The following METTL15 variants were observed in gnomAD, a reference collection of about 807,000 sequenced individuals.
METTL15 encodes the protein 12S rRNA N(4)-cytidine methyltransferase METTL15.
In METTL15, 34 loss-of-function variants were observed where a neutral mutation model predicts 38.3. That is an observed-to-expected ratio of 0.89 (90% CI 0.68 to 1.18). The LOEUF (loss-of-function observed/expected upper bound fraction) is 1.18, where lower values mean the gene tolerates loss of function less well. Ranked by LOEUF, METTL15 falls within the 50% of genes most tolerant of loss-of-function variation. The pLI is 0.00. For synonymous variants in METTL15, 162 were observed against 170.9 expected, an observed-to-expected ratio of 0.95 and a Z score of 0.41; for missense variants, 438 against 498.4, an observed-to-expected ratio of 0.88 and a Z score of 1.15.
chr11:28,401,670 TG>T (rs1176803396), intron 5 of METTL15, among the ~76,000 whole-genome samples: 1 of 151,996 alleles, frequency 6.6e-6, no homozygotes, highest in Non-Finnish European at 1.5e-5. Context: ...TGGCTCTTGC[TG>T]AACTCCAGAG....
intron 4 of METTL15, among the ~76,000 whole-genome samples, chr11:28,235,521 C>T (rs906008117): frequency 2.4e-4 from 37 of 152,258 alleles, no homozygotes; most frequent in African/African-American, 8.7e-4. Flanking sequence ...AGGTCCTTCA[C>T]GTCCCTTGTA....
intron 6 of METTL15, among the ~76,000 whole-genome samples, chr11:28,521,328 C>G (rs552657232): frequency 6.6e-6 from 1 of 152,216 alleles, no homozygotes; most frequent in Admixed American, 6.5e-5. Flanking sequence ...GATGGGCCCT[C>G]TAGTGCACTA....
chr11:28,514,431 T>C (rs1271845777), intron 6 of METTL15, among the ~76,000 whole-genome samples: 1 of 152,232 alleles, frequency 6.6e-6, no homozygotes, highest in Admixed American at 6.5e-5. Context: ...GAAAAGAGAA[T>C]GCTAAGGAAA....
At chr11:28,134,910 A>G (rs1849465875) in intron 3 of METTL15, among the ~76,000 whole-genome samples, 1 of 152,142 alleles carries the variant, frequency 6.6e-6, no homozygotes, top group South Asian at 2.1e-4. Flanking sequence ...GATTTTTCCA[A>G]ACAAAGAAAC....
chr11:28,522,520 T>C (rs1030316971), intron 6 of METTL15, among the ~76,000 whole-genome samples: 1 of 152,238 alleles, frequency 6.6e-6, no homozygotes. Context: ...TAACTTAATT[T>C]ATTCGAAGTC....
Position 28,296,870 on chromosome 11 carries a change from T to G in METTL15, c.717T>G (p.Ile239Met). The change falls in exon 6 of 7, where the codon ATT becomes ATG. Residue 239 changes from isoleucine (I) to methionine (M), a missense_variant. Physicochemically the swap from Ile to Met is conservative, Grantham distance 10. Transcript: ENST00000407364. Reference protein sequence around the residue: ...EKHAKKIASAIVQARSIYPIT... With the variant: ...EKHAKKIASAMVQARSIYPIT... ...ATGCCAAGAAAATCGCTTCAGCAAT[T>G]GTTCAGGCACGCAGCATCTACCCCA... is the stretch of plus-strand genomic sequence containing the variant. 6.2e-7 allele frequency: 1 copy of G among 1,613,594 alleles called. No individual in the cohort carries two copies. The highest frequency in any genetic ancestry group is 8.5e-7 in the Non-Finnish European group (1 of 1,179,696).
chr11:28,428,095 G>C (rs1331211257), intron 6 of METTL15, among the ~76,000 whole-genome samples: 1 of 152,044 alleles, frequency 6.6e-6, no homozygotes, highest in Non-Finnish European at 1.5e-5. Flanking sequence ...TTAATGACAG[G>C]GATACATTTC....
intron 3 of METTL15, among the ~76,000 whole-genome samples, chr11:28,186,398 A>G (rs1851495502): frequency 2.0e-5 from 3 of 151,314 alleles, no homozygotes; most frequent in South Asian, 4.1e-4. Flanking sequence ...TTTTTTGTAT[A>G]TATCTTAATA....
At chr11:28,359,470 G>C (rs1444515542) in intron 4 of METTL15, among the ~76,000 whole-genome samples, 1 of 152,216 alleles carries the variant, frequency 6.6e-6, no homozygotes, top group East Asian at 1.9e-4. Context: ...AATAGTAGTT[G>C]TAATTTTAAT....
intron 3 of METTL15, among the ~76,000 whole-genome samples, chr11:28,139,566 A>G (rs1849626742): frequency 1.3e-5 from 2 of 152,062 alleles, no homozygotes; most frequent in Admixed American, 6.6e-5. Context: ...GTAACCTTTG[A>G]GTTCCCTAGA....
rs373588726 is a variant in METTL15 at position 28,281,756 on chromosome 11, G to C, written c.408-8450G>C. Among the ~76,000 whole-genome samples, 4 of 152,200 alleles carry C rather than the reference G, an allele frequency of 2.6e-5. No individual in the cohort carries two copies. The South Asian group carries it at 8.3e-4, about 32-fold the overall frequency. Reference sequence around the variant, plus strand: ...GTAGAAGCTCAGTAAATATTTATTTGTTGTTTGTTTTTATAGTTGAGCACT... The same window carrying C: ...GTAGAAGCTCAGTAAATATTTATTTCTTGTTTGTTTTTATAGTTGAGCACT... On this transcript the variant is annotated intron_variant, in intron 4 of 6. Coordinates refer to ENST00000407364, the MANE Select transcript of METTL15 (RefSeq NM_001113528.2).
chr11:28,335,608 G>T (rs1182993105), downstream of METTL15, among the ~76,000 whole-genome samples: 1 of 152,132 alleles, frequency 6.6e-6, no homozygotes, highest in South Asian at 2.1e-4. Flanking sequence ...TGATGTCCGG[G>T]TCATGGGAGA....
chr11:28,176,021 T>G lies in METTL15; in HGVS notation c.271-35041T>G, dbSNP rs1851061857. 2.0e-5 allele frequency among the ~76,000 whole-genome samples: 3 copies of G among 151,808 alleles called. 1 individual carries two copies. The highest frequency in any genetic ancestry group is 1.3e-4 in the Admixed American group (2 of 15,236). ...GGTCAATTTAATATTACTAAGGAGT[T>G]TAGAAAGAGGAAAGAAGACTGAACG... On this transcript the variant is annotated intron_variant, in intron 3 of 6. Transcript: ENST00000407364.
At chr11:28,406,605 A>G (rs1303645793) in intron 5 of METTL15, among the ~76,000 whole-genome samples, 1 of 152,182 alleles carries the variant, frequency 6.6e-6, no homozygotes, top group African/African-American at 2.4e-5. Context: ...GGGATCTTCT[A>G]GATATAGGAT....
downstream of METTL15, among the ~76,000 whole-genome samples, chr11:28,531,864 C>T (rs1851844905): frequency 6.6e-6 from 1 of 151,972 alleles, no homozygotes; most frequent in Non-Finnish European, 1.5e-5. Context: ...CCCCCCAAAA[C>T]CAATTTACAT....
chr11:28,422,218 T>C (rs185858245), intron 5 of METTL15, among the ~76,000 whole-genome samples: 2 of 152,048 alleles, frequency 1.3e-5, no homozygotes, highest in African/African-American at 4.8e-5. Flanking sequence ...CTATTACATG[T>C]TTATGGATTG....
intron 3 of METTL15, among the ~76,000 whole-genome samples, chr11:28,182,838 A>G (rs920373569): frequency 6.6e-5 from 10 of 152,166 alleles, no homozygotes; most frequent in Admixed American, 3.3e-4. Flanking sequence ...TCTATAAATT[A>G]CTTTGGGGAG....
chr11:28,270,671 A>T (rs1186565716), intron 4 of METTL15, among the ~76,000 whole-genome samples: 1 of 152,152 alleles, frequency 6.6e-6, no homozygotes, highest in Non-Finnish European at 1.5e-5. Context: ...TTTTGTTTTT[A>T]TAAGGATTCA....
intron 5 of METTL15, among the ~76,000 whole-genome samples, chr11:28,420,603 A>G (rs1850810841): frequency 6.6e-6 from 1 of 152,180 alleles, no homozygotes; most frequent in Non-Finnish European, 1.5e-5. Flanking sequence ...ATTAAATGAT[A>G]TGCTCCTGAA....
Sources: allele counts gnomAD v4.1 joint callset (sites outside exome capture counted in the v4.1 genomes callset), GRCh38; gene constraint gnomAD v4.1.1; transcripts MANE v1.5; gene names NCBI Gene and HGNC (gene_info 2026-07-23, HGNC 2026-07-21).